The following COLGALT2 variants were observed in gnomAD, a reference collection of about 807,000 sequenced individuals.
COLGALT2 encodes procollagen galactosyltransferase 2.
Under a neutral mutation model 73.4 loss-of-function variants are expected in COLGALT2, and 49 were observed. The ratio of observed to expected loss-of-function variants is 0.67; its 90% confidence interval spans 0.53 to 0.85. COLGALT2 has a LOEUF of 0.85. COLGALT2 is among the 40% of genes least tolerant of loss of function. The pLI, the probability that COLGALT2 is intolerant of heterozygous loss-of-function variation, is 0.00. For missense variants in COLGALT2, 722 were observed against 790.2 expected, an observed-to-expected ratio of 0.91 and a Z score of 1.03; for synonymous variants, 295 against 307.6, an observed-to-expected ratio of 0.96 and a Z score of 0.43.
At chr1:183,941,001 A>C (rs1572627260) in intron 10 of COLGALT2, among the ~76,000 whole-genome samples, 1 of 151,952 alleles carries the variant, frequency 6.6e-6, no homozygotes, top group Non-Finnish European at 1.5e-5. Flanking sequence ...ATTTATCAAC[A>C]CCCCCACTAT....
intron 6 of COLGALT2, among the ~76,000 whole-genome samples, chr1:183,957,492 C>G (rs1357190386): frequency 6.6e-6 from 1 of 152,184 alleles, no homozygotes; most frequent in East Asian, 1.9e-4. Context: ...GGATCAAATC[C>G]TACCGCTTCT....
intron 10 of COLGALT2, among the ~76,000 whole-genome samples, chr1:183,943,624 C>A (rs1430963559): frequency 6.6e-6 from 1 of 152,124 alleles, no homozygotes; most frequent in Non-Finnish European, 1.5e-5. Flanking sequence ...CCAGCACTCC[C>A]TTGGTGAGCC....
At chr1:183,932,306 G>A (rs1459802476), downstream of COLGALT2, among the ~76,000 whole-genome samples, 1 of 152,204 alleles carries the variant, frequency 6.6e-6, no homozygotes, top group African/African-American at 2.4e-5. Context: ...CTGAAAGATA[G>A]AGATTAATGA....
intron 1 of COLGALT2, among the ~76,000 whole-genome samples, chr1:184,004,651 C>T (rs1572670733): frequency 6.6e-6 from 1 of 152,246 alleles, no homozygotes; most frequent in East Asian, 1.9e-4. Context: ...TTACAAACAT[C>T]CTGAGGGACA....
chr1:184,032,188 C>A (rs2102863220), intron 1 of COLGALT2, among the ~76,000 whole-genome samples: 3 of 152,174 alleles, frequency 2.0e-5, no homozygotes, highest in Admixed American at 2.0e-4. Context: ...GCCACTGCAT[C>A]CAGATAAATG....
intron 1 of COLGALT2, among the ~76,000 whole-genome samples, chr1:183,990,324 T>C (rs1206524556): frequency 1.3e-5 from 2 of 152,228 alleles, no homozygotes; most frequent in East Asian, 1.9e-4. Context: ...ATCAAACTCC[T>C]AGCCTAATAA....
At chr1:184,025,375 A>T (rs906819589) in intron 1 of COLGALT2, among the ~76,000 whole-genome samples, 17 of 152,252 alleles carry the variant, frequency 1.1e-4, no homozygotes, top group African/African-American at 4.1e-4. Context: ...GTAACATCAG[A>T]AATTCAATAC....
chr1:183,946,877 A>G (rs1335907108), intron 8 of COLGALT2, among the ~76,000 whole-genome samples: 2 of 152,116 alleles, frequency 1.3e-5, no homozygotes, highest in Non-Finnish European at 2.9e-5. Flanking sequence ...TAAAAATACA[A>G]AAAATTAGCC....
chr1:183,936,300 A>G lies in COLGALT2; in HGVS notation c.*2461T>C. 1 of 985,756 alleles carries G rather than the reference A, an allele frequency of 1.0e-6. No homozygotes were observed. Among genetic ancestry groups the G allele is most frequent in the Non-Finnish European group, 1.2e-6 (1 of 829,920 alleles). The allele number at this position is 985,756 out of a possible 1,614,324, so 61.1% of individuals were successfully genotyped here. ...GGTCAAGGAACCTCTGGATTGCTGA[A>G]GAGATGACTTTAAAAAAAAAGTCAC... On this transcript the variant is annotated 3_prime_UTR_variant, in exon 12 of 12. Transcript: ENST00000361927.
intron 10 of COLGALT2, among the ~76,000 whole-genome samples, chr1:183,942,432 A>G (rs1051556809): frequency 6.6e-6 from 1 of 152,186 alleles, no homozygotes; most frequent in East Asian, 1.9e-4. Flanking sequence ...GTTAAATAAA[A>G]TGTATTAAAA....
At chr1:184,029,642 G>T (rs533550897) in intron 1 of COLGALT2, among the ~76,000 whole-genome samples, 1 of 152,282 alleles carries the variant, frequency 6.6e-6, no homozygotes, top group Non-Finnish European at 1.5e-5. Context: ...TCTGTGAAAA[G>T]TTACCAAGTT....
chr1:184,021,944 C>A (rs185432541), intron 1 of COLGALT2, among the ~76,000 whole-genome samples: 63 of 152,242 alleles, frequency 4.1e-4, no homozygotes, highest in Non-Finnish European at 6.9e-4. Context: ...ATTCTTCTAC[C>A]AAAAATGATC....
chr1:184,014,087 A>T (rs1257936706), intron 1 of COLGALT2, among the ~76,000 whole-genome samples: 1 of 152,214 alleles, frequency 6.6e-6, no homozygotes, highest in Admixed American at 6.5e-5. Flanking sequence ...CTTGAGCTGG[A>T]GAGACACCAT....
chr1:183,942,335 CAA>C, intron 10 of COLGALT2, among the ~76,000 whole-genome samples: 1 of 127,272 alleles, frequency 7.9e-6, no homozygotes. Context: ...AGAGTTGGTA[CAA>C]AAAAAAAAAG....
At chr1:183,956,593 A>G (rs1195158529) in intron 6 of COLGALT2, among the ~76,000 whole-genome samples, 1 of 152,178 alleles carries the variant, frequency 6.6e-6, no homozygotes, top group African/African-American at 2.4e-5. Flanking sequence ...GGAAGATGTT[A>G]TATTTTGAGT....
chr1:183,977,862 AAAAG>A (rs1671247598), intron 2 of COLGALT2, among the ~76,000 whole-genome samples: 1 of 149,722 alleles, frequency 6.7e-6, no homozygotes, highest in South Asian at 2.2e-4. Context: ...CGAAGAAAAG[AAAAG>A]AAAGAAAAGA....
intron 1 of COLGALT2, among the ~76,000 whole-genome samples, chr1:184,027,820 G>A (rs1261013238): frequency 6.6e-6 from 1 of 152,208 alleles, no homozygotes; most frequent in Non-Finnish European, 1.5e-5. Context: ...ATTGAGGAAA[G>A]GCAGAGAAGA....
intron 1 of COLGALT2, among the ~76,000 whole-genome samples, chr1:184,009,161 A>G (rs1672168255): frequency 6.6e-6 from 1 of 152,248 alleles, no homozygotes; most frequent in Non-Finnish European, 1.5e-5. Context: ...CAGTGCTATG[A>G]GTTCTGACAC....
rs573141344 is a variant in COLGALT2, at chr1:183,961,160, A to G, written c.952+2741T>C. Among the ~76,000 whole-genome samples the G allele has an allele frequency of 2.0e-5, 3 of 152,368 alleles. No individual in the cohort carries two copies. The East Asian group carries it at 5.8e-4, about 29-fold the overall frequency. Reference sequence around the variant, plus strand: ...TTAGAATTCAGGACAGAAGGTAAGTATAAGAATGAAATAAAATGCGATATG... The same window carrying G: ...TTAGAATTCAGGACAGAAGGTAAGTGTAAGAATGAAATAAAATGCGATATG... On this transcript the variant is annotated intron_variant, in intron 6 of 11. Transcript: ENST00000361927.
Sources: allele counts gnomAD v4.1 joint callset (sites outside exome capture counted in the v4.1 genomes callset), GRCh38; gene constraint gnomAD v4.1.1; transcripts MANE v1.5; gene names NCBI Gene and HGNC (gene_info 2026-07-23, HGNC 2026-07-21).